Variants in RBMS3 observed in about 807,000 individuals in gnomAD.
The protein encoded by RBMS3 is RNA binding motif single stranded interacting protein 3.
In RBMS3, 27 loss-of-function variants were observed where a neutral mutation model predicts 66.8. The ratio of observed to expected loss-of-function variants is 0.40; its 90% CI spans 0.30 to 0.56. The LOEUF (loss-of-function observed/expected upper bound fraction) is 0.56, where lower values mean the gene tolerates loss of function less well. Among genes scored for constraint, RBMS3 ranks in the 20% least tolerant of loss-of-function variants. The pLI, the probability that RBMS3 is intolerant of heterozygous loss-of-function variation, is 0.40. For missense variants in RBMS3, 513 were observed against 549.5 expected, an observed-to-expected ratio of 0.93 and a Z score of 0.66; for synonymous variants, 188 against 183.0, an observed-to-expected ratio of 1.03 and a Z score of -0.22.
intron 14 of RBMS3, among the ~76,000 whole-genome samples, chr3:29,993,862 T>G (rs1699041030): frequency 6.6e-6 from 1 of 152,196 alleles, no homozygotes; most frequent in African/African-American, 2.4e-5. Context: ...TCATGGGACT[T>G]CTCAATCTTA....
intron 4 of RBMS3, among the ~76,000 whole-genome samples, chr3:29,651,836 A>T (rs558451320): frequency 2.7e-4 from 41 of 152,314 alleles, no homozygotes; most frequent in African/African-American, 9.9e-4. Flanking sequence ...AGCCATACAT[A>T]CAAGTTGTCA....
intron 1 of RBMS3, among the ~76,000 whole-genome samples, chr3:29,362,676 A>G (rs891286045): frequency 6.6e-6 from 1 of 152,150 alleles, no homozygotes; most frequent in East Asian, 1.9e-4. Flanking sequence ...AGTACCCACA[A>G]TTTTAACCTA....
At chr3:29,521,307 T>C (rs2044847451) in intron 3 of RBMS3, among the ~76,000 whole-genome samples, 1 of 152,206 alleles carries the variant, frequency 6.6e-6, no homozygotes, top group Admixed American at 6.5e-5. Flanking sequence ...TATTTCCTAG[T>C]ACATTTATCA....
intron 2 of RBMS3, among the ~76,000 whole-genome samples, chr3:29,477,253 A>G (rs994838032): frequency 3.9e-5 from 6 of 152,166 alleles, no homozygotes; most frequent in African/African-American, 1.4e-4. Context: ...AATGTATAAA[A>G]AGCAATGTAT....
intron 4 of RBMS3, among the ~76,000 whole-genome samples, chr3:29,667,449 G>A (rs2050814907): frequency 6.6e-6 from 1 of 152,130 alleles, no homozygotes; most frequent in Non-Finnish European, 1.5e-5. Flanking sequence ...AACTCTGAGA[G>A]TGGGGCCCAG....
chr3:29,489,825 A>T (rs990966932), intron 3 of RBMS3, among the ~76,000 whole-genome samples: 1 of 151,360 alleles, frequency 6.6e-6, no homozygotes, highest in Non-Finnish European at 1.5e-5. Context: ...AGGGTGGATC[A>T]TGAGGTCAGG....
intron 1 of RBMS3, among the ~76,000 whole-genome samples, chr3:29,319,808 A>G (rs1456066655): frequency 1.3e-5 from 2 of 152,026 alleles, no homozygotes; most frequent in Non-Finnish European, 2.9e-5. Context: ...TCTGATACCT[A>G]GACTTGTTTC....
chr3:29,619,155 G>T (rs1237836594), intron 4 of RBMS3, among the ~76,000 whole-genome samples: 1 of 151,890 alleles, frequency 6.6e-6, no homozygotes. Flanking sequence ...GGCCTGTTGT[G>T]GGGTGAGGGG....
intron 4 of RBMS3, among the ~76,000 whole-genome samples, chr3:29,631,938 C>T (rs1398647086): frequency 6.6e-6 from 1 of 151,932 alleles, no homozygotes; most frequent in Non-Finnish European, 1.5e-5. Flanking sequence ...AAAAGAGGAA[C>T]AAGCGACACA....
intron 12 of RBMS3, among the ~76,000 whole-genome samples, chr3:29,986,955 AAAC>A (rs370362047): frequency 2.0e-5 from 3 of 152,058 alleles, no homozygotes; most frequent in Non-Finnish European, 4.4e-5. Flanking sequence ...AAGAGGAGGA[AAAC>A]AACAACAACA....
chr3:29,497,181 T>C lies in RBMS3; in HGVS notation c.307+8682T>C, dbSNP rs1378912237. Among the ~76,000 whole-genome samples the C allele has an allele frequency of 3.3e-5, 5 of 152,204 alleles. No individual in the cohort carries two copies. The East Asian group carries it at 9.7e-4, about 29-fold the overall frequency. On this transcript the variant is annotated intron_variant, in intron 3 of 14. Coordinates refer to ENST00000383767, the MANE Select transcript of RBMS3 (RefSeq NM_001003793.3). The stretch of plus-strand genomic sequence containing the variant: ...CATTCTACCATGCCTGGCTAATTTT[T>C]TGTATTTTTAGTAGAGACGGGGTTT...
At chr3:29,746,914 G>C (rs1359847287) in intron 5 of RBMS3, among the ~76,000 whole-genome samples, 1 of 152,172 alleles carries the variant, frequency 6.6e-6, no homozygotes, top group Non-Finnish European at 1.5e-5. Context: ...TGCGGAGAGA[G>C]TTCTGAAAAA....
chr3:29,284,308 A>T (rs9853892), intron 1 of RBMS3, among the ~76,000 whole-genome samples: 151,241 of 152,160 alleles, frequency 0.99, 75,166 homozygotes, highest in East Asian at 1. Flanking sequence ...ATTTTTCTCT[A>T]AATTGAGGTA....
chr3:29,304,633 C>G (rs961750883), intron 1 of RBMS3, among the ~76,000 whole-genome samples: 2 of 151,970 alleles, frequency 1.3e-5, no homozygotes, highest in African/African-American at 4.8e-5. Flanking sequence ...AGCAATACCG[C>G]AGCACTCTCC....
intron 14 of RBMS3, among the ~76,000 whole-genome samples, chr3:29,998,066 CAA>C (rs1235192922): frequency 6.6e-6 from 1 of 152,198 alleles, no homozygotes; most frequent in African/African-American, 2.4e-5. Flanking sequence ...GCAACTTCAG[CAA>C]AGTCTCAGGA....
At chr3:29,747,487 T>C (rs1169648295) in intron 5 of RBMS3, among the ~76,000 whole-genome samples, 1 of 152,122 alleles carries the variant, frequency 6.6e-6, no homozygotes, top group African/African-American at 2.4e-5. Context: ...GCTTGGTCAA[T>C]ATTCCAGTAA....
chr3:29,426,288 C>T (rs2040956192), intron 1 of RBMS3, among the ~76,000 whole-genome samples: 1 of 152,148 alleles, frequency 6.6e-6, no homozygotes, highest in African/African-American at 2.4e-5. Flanking sequence ...TATAAAACTC[C>T]ATTGATGTCA....
In RBMS3 at chr3:29,601,772, T is replaced by G. The variant is rs76579157; in HGVS notation, c.399+14567T>G. ...ACAAAATGCTCTGGTCACTTAAGTA[T>G]TTAATTCAGACTCTCAGTCTTTTTT... On this transcript the variant is annotated intron_variant, in intron 4 of 14. Transcript: ENST00000383767. 3.2e-3 allele frequency among the ~76,000 whole-genome samples: 485 copies of G among 152,172 alleles called. 1 individual carries two copies. Among genetic ancestry groups the G allele is most frequent in the African/African-American group, 0.011 (473 of 41,540 alleles).
rs1274676190 is a variant in RBMS3, at chr3:30,007,551, A to AT, written c.*3691dup. The AT allele has an allele frequency of 6.6e-6, 1 of 152,018 alleles. No homozygotes were observed. Among genetic ancestry groups the AT allele is most frequent in the Non-Finnish European group, 1.5e-5 (1 of 67,944 alleles). The allele number at this position is 152,018 out of a possible 1,614,324, so 9.4% of individuals were successfully genotyped here. Reference sequence around the variant, plus strand: ...AGTTTTCTTTTAATAATGGTATGGTATTGTCAAGGGAGGCAAAGTGTTCAT... The same window carrying AT: ...AGTTTTCTTTTAATAATGGTATGGTATTTGTCAAGGGAGGCAAAGTGTTCAT... On this transcript the variant is annotated 3_prime_UTR_variant, in exon 15 of 15. Coordinates refer to ENST00000383767, the MANE Select transcript of RBMS3 (RefSeq NM_001003793.3).
Sources: allele counts gnomAD v4.1 joint callset (sites outside exome capture counted in the v4.1 genomes callset), GRCh38; gene constraint gnomAD v4.1.1; transcripts MANE v1.5; gene names NCBI Gene and HGNC (gene_info 2026-07-23, HGNC 2026-07-21).